The following CEP128 variants were observed in gnomAD, a reference collection of about 807,000 sequenced individuals.
The protein encoded by CEP128 is centrosomal protein 128kDa.
In CEP128, 132 loss-of-function variants were observed where a neutral mutation model predicts 156.7. The ratio of observed to expected loss-of-function variants is 0.84; its 90% CI spans 0.73 to 0.97. CEP128 has a LOEUF of 0.97. Ranked by LOEUF, CEP128 falls within the 50% of genes least tolerant of loss-of-function variation. The pLI, the probability that CEP128 is intolerant of heterozygous loss-of-function variation, is 0.00. For synonymous variants in CEP128, 469 were observed against 448.9 expected, an observed-to-expected ratio of 1.04 and a Z score of -0.57; for missense variants, 1,252 against 1,281.9, an observed-to-expected ratio of 0.98 and a Z score of 0.36.
At chr14:80,862,501 T>C (rs2140158799) in intron 9 of CEP128, among the ~76,000 whole-genome samples, 1 of 152,318 alleles carries the variant, frequency 6.6e-6, no homozygotes, top group African/African-American at 2.4e-5. Flanking sequence ...ATTAGGTCAA[T>C]ACTATTATTA....
chr14:80,682,084 G>A (rs951555121), intron 19 of CEP128, among the ~76,000 whole-genome samples: 4 of 152,014 alleles, frequency 2.6e-5, no homozygotes, highest in Non-Finnish European at 4.4e-5. Context: ...CTGCAGCCTG[G>A]TTGACAGAGT....
chr14:80,505,895 C>T (rs1283500476), intron 23 of CEP128, among the ~76,000 whole-genome samples: 1 of 152,042 alleles, frequency 6.6e-6, no homozygotes, highest in Non-Finnish European at 1.5e-5. Context: ...ATGTGCTAGG[C>T]TAAGAGAAAG....
At chr14:80,737,874 A>G (rs1313196751) in intron 19 of CEP128, among the ~76,000 whole-genome samples, 1 of 152,222 alleles carries the variant, frequency 6.6e-6, no homozygotes, top group Admixed American at 6.5e-5. Flanking sequence ...TGGGTGACAG[A>G]GCAAGACCCC....
upstream of CEP128, chr14:80,941,880 A>G (rs1228149676): frequency 6.6e-6 from 1 of 152,388 alleles, no homozygotes; most frequent in African/African-American, 2.4e-5. Flanking sequence ...AGGATGCCAT[A>G]TAGCTGGCCT....
intron 2 of CEP128, among the ~76,000 whole-genome samples, chr14:80,936,214 G>A (rs1885799025): frequency 6.6e-6 from 1 of 152,162 alleles, no homozygotes; most frequent in Non-Finnish European, 1.5e-5. Context: ...TGTATGCAGA[G>A]TAGATTCTAA....
chr14:80,598,365 A>G (rs1892432084), intron 19 of CEP128, among the ~76,000 whole-genome samples: 1 of 152,160 alleles, frequency 6.6e-6, no homozygotes, highest in Non-Finnish European at 1.5e-5. Context: ...ACCATTTAAA[A>G]TCACTCCATT....
chr14:80,551,044 T>C (rs977812093), intron 21 of CEP128, among the ~76,000 whole-genome samples: 3 of 152,138 alleles, frequency 2.0e-5, no homozygotes, highest in Non-Finnish European at 2.9e-5. Flanking sequence ...GTTATAACAA[T>C]GTTACTCAAT....
intron 21 of CEP128, among the ~76,000 whole-genome samples, chr14:80,551,965 G>C (rs1318716126): frequency 7.2e-5 from 11 of 152,176 alleles, no homozygotes; most frequent in African/African-American, 2.7e-4. Context: ...ACCTTAAAGT[G>C]CCTGGGAAAA....
chr14:80,573,768 T>C (rs769002022), intron 20 of CEP128, among the ~76,000 whole-genome samples: 3 of 152,164 alleles, frequency 2.0e-5, no homozygotes, highest in Non-Finnish European at 2.9e-5. Context: ...GGTGTAACTT[T>C]GTACCAAATT....
At chr14:80,656,105 T>C (rs1895122261) in intron 19 of CEP128, among the ~76,000 whole-genome samples, 1 of 151,356 alleles carries the variant, frequency 6.6e-6, no homozygotes, top group African/African-American at 2.4e-5. Context: ...ATGAAAACTG[T>C]CCTATCAAAA....
chr14:80,737,188 A>C (rs1898575582), intron 19 of CEP128, among the ~76,000 whole-genome samples: 1 of 152,000 alleles, frequency 6.6e-6, no homozygotes, highest in Admixed American at 6.5e-5. Context: ...GGTGGATCAC[A>C]AGGTCAGGCA....
At chr14:80,803,889 T>C (rs1474565373) in intron 13 of CEP128, among the ~76,000 whole-genome samples, 2 of 152,238 alleles carry the variant, frequency 1.3e-5, no homozygotes, top group Admixed American at 6.5e-5. Context: ...CTCTTCTAAA[T>C]TTTAGGACAA....
intron 2 of CEP128, among the ~76,000 whole-genome samples, chr14:80,927,445 T>G (rs1219292662): frequency 1.3e-5 from 2 of 152,160 alleles, no homozygotes; most frequent in East Asian, 3.9e-4. Flanking sequence ...GTAGACAGCC[T>G]TTCCATAACA....
intron 14 of CEP128, among the ~76,000 whole-genome samples, chr14:80,485,263 T>G (rs1887137159): frequency 6.6e-6 from 1 of 152,162 alleles, no homozygotes; most frequent in African/African-American, 2.4e-5. Flanking sequence ...AGAATCATTT[T>G]GCGGTTGTAT....
rs1358545396 is a variant in CEP128, at chr14:80,867,905, G to A, written c.646-5032C>T. 7.2e-5 allele frequency among the ~76,000 whole-genome samples: 11 copies of A among 151,968 alleles called. No homozygotes were observed. The East Asian group carries it at 7.8e-4, about 11-fold the overall frequency. The stretch of plus-strand genomic sequence containing the variant: ...AAATATAAAGAGATCTTACTGAAAC[G>A]CACAATAATCAAATTCTCAAAAGGC... On this transcript the variant is annotated intron_variant, in intron 8 of 24. Coordinates refer to ENST00000555265, the MANE Select transcript of CEP128 (RefSeq NM_152446.5).
chr14:80,814,617 C>T (rs1884744953), intron 13 of CEP128, among the ~76,000 whole-genome samples: 1 of 152,260 alleles, frequency 6.6e-6, no homozygotes, highest in African/African-American at 2.4e-5. Context: ...CAATGTAAGT[C>T]TTTAAATGTG....
chr14:80,614,434 T>C (rs1188341627), intron 19 of CEP128, among the ~76,000 whole-genome samples: 4 of 152,208 alleles, frequency 2.6e-5, no homozygotes, highest in Non-Finnish European at 5.9e-5. Flanking sequence ...TTTTTTATCA[T>C]TTCTTCTCAG....
chr14:80,852,734 T>G (rs1886956140), intron 9 of CEP128, among the ~76,000 whole-genome samples: 1 of 151,860 alleles, frequency 6.6e-6, no homozygotes, highest in Non-Finnish European at 1.5e-5. Context: ...CAACAGACAT[T>G]CAAGAAATAG....
Position 80,617,837 on chromosome 14 carries a change from T to C in CEP128, c.2807-37414A>G, listed in dbSNP as rs557798905. Among the ~76,000 whole-genome samples, 17 of 152,292 alleles carry C rather than the reference T, an allele frequency of 1.1e-4. No homozygotes were observed. In the South Asian group the frequency reaches 3.3e-3, roughly 30 times the overall value. On this transcript the variant is annotated intron_variant, in intron 19 of 24. Transcript: ENST00000555265. Reference sequence around the variant, plus strand: ...AATAAACAAACAAACAAAAAGCTTGTTTTCCTTTTCTAAAAGTAAGCATGT... The same window carrying C: ...AATAAACAAACAAACAAAAAGCTTGCTTTCCTTTTCTAAAAGTAAGCATGT...
Sources: gnomAD v4.1 joint callset for allele counts (sites outside exome capture counted in the v4.1 genomes callset) on GRCh38, gnomAD v4.1.1 for gene constraint, MANE v1.5 for transcripts, NCBI Gene and HGNC (gene_info 2026-07-23, HGNC 2026-07-21) for gene names.